CYB5B: variants seen among roughly 807,000 people sequenced by gnomAD.
CYB5B encodes the protein cytochrome b5 type B, also known as cytochrome b5 type B (outer mitochondrial membrane).
Under a neutral mutation model 21.3 loss-of-function variants are expected in CYB5B, and 14 were observed. That is an observed-to-expected ratio of 0.66 (90% CI 0.43 to 1.03). The LOEUF (loss-of-function observed/expected upper bound fraction) is 1.03. Ranked by LOEUF, CYB5B falls within the 50% of genes least tolerant of loss-of-function variation. CYB5B has a pLI of 0.00. For synonymous variants in CYB5B, 69 were observed against 68.4 expected (o/e 1.01, Z -0.04); for missense variants, 166 against 185.1 (o/e 0.90, Z 0.60).
In CYB5B at chr16:69,459,298, T is replaced by C. The variant is rs2015011306; in HGVS notation, c.362+177T>C. ...ACATTAGAAAAATTAACTTTTACAG[T>C]TTCAGCCATTTTGAATAATCTAAAA... On this transcript the variant is annotated intron_variant, in intron 4 of 4. Coordinates refer to ENST00000307892, the MANE Select transcript of CYB5B (RefSeq NM_030579.3). 3 of 773,472 alleles carry C rather than the reference T, an allele frequency of 3.9e-6. No homozygotes were observed. The East Asian group carries it at 8.6e-5, about 22-fold the overall frequency. 47.9% of individuals were successfully genotyped at this position (773,472 alleles called of 1,614,324 possible).
chr16:69,427,635 A>G (rs2014661635), intron 1 of CYB5B, among the ~76,000 whole-genome samples: 1 of 150,888 alleles, frequency 6.6e-6, no homozygotes, highest in Non-Finnish European at 1.5e-5. Flanking sequence ...TTCTATTTCA[A>G]CCTCCCGAAT....
chr16:69,448,345 T>A, intron 3 of CYB5B: 1 of 607,424 alleles, frequency 1.6e-6, no homozygotes, highest in Non-Finnish European at 2.9e-6. Flanking sequence ...GGAAACATTT[T>A]GCTAATGCCT....
chr16:69,460,714 A>G (rs1263226578), intron 4 of CYB5B, among the ~76,000 whole-genome samples: 2 of 152,232 alleles, frequency 1.3e-5, no homozygotes, highest in African/African-American at 2.4e-5. Context: ...CCAGAAATAT[A>G]TGCAAGAATG....
intron 1 of CYB5B, among the ~76,000 whole-genome samples, chr16:69,444,658 C>G (rs2014859889): frequency 6.6e-6 from 1 of 151,338 alleles, no homozygotes; most frequent in Admixed American, 6.6e-5. Flanking sequence ...CCCCCACTTG[C>G]TTCAGTGAAA....
Position 69,464,153 on chromosome 16 carries a change from T to C in CYB5B, c.*1633T>C, listed in dbSNP as rs1366056028. Reference sequence around the variant, plus strand: ...CAAACCAGGGACTGCCCATGTAAACTATTTAAGAAAAAGTTCAACCCAGGT... The same window carrying C: ...CAAACCAGGGACTGCCCATGTAAACCATTTAAGAAAAAGTTCAACCCAGGT... On this transcript the variant is annotated 3_prime_UTR_variant, in exon 5 of 5. Transcript: ENST00000307892. 1 of 152,198 alleles carries C rather than the reference T, an allele frequency of 6.6e-6. No homozygotes were observed. The highest frequency in any genetic ancestry group is 2.1e-4 in the South Asian group (1 of 4,832). 9.4% of individuals were successfully genotyped at this position (152,198 alleles called of 1,614,324 possible). A position where few individuals can be genotyped will look rare whatever the true frequency, so the allele number is the denominator to read the frequency against.
intron 1 of CYB5B, among the ~76,000 whole-genome samples, chr16:69,441,723 C>T (rs1390540259): frequency 1.3e-5 from 2 of 152,112 alleles, no homozygotes; most frequent in African/African-American, 4.8e-5. Flanking sequence ...TTTAGTTCAA[C>T]TGACTGGACA....
At position 69,463,345 on chromosome 16, in the gene CYB5B, T is replaced by G. The variant is rs11075720; in HGVS notation, c.*825T>G. The stretch of plus-strand genomic sequence containing the variant: ...CTTTCGTGTCTTGGGGGTGGAAAGG[T>G]AGGGATGAATTGGGGTGATAGAACC... On this transcript the variant is annotated 3_prime_UTR_variant, in exon 5 of 5. Coordinates refer to ENST00000307892, the MANE Select transcript of CYB5B (RefSeq NM_030579.3). 122,514 of 151,792 alleles carry G rather than the reference T, an allele frequency of 0.81. 49,595 individuals carry two copies. Among genetic ancestry groups the G allele is most frequent in the Middle Eastern group, 0.9 (265 of 294 alleles). 9.4% of individuals were successfully genotyped at this position (151,792 alleles called of 1,614,324 possible).
intron 1 of CYB5B, among the ~76,000 whole-genome samples, chr16:69,427,781 G>T (rs571230128): frequency 5.9e-5 from 9 of 152,074 alleles, no homozygotes; most frequent in African/African-American, 1.7e-4. Flanking sequence ...AGATCATGAG[G>T]TAAGGAGTTC....
chr16:69,438,537 A>AT (rs34840532), intron 1 of CYB5B, among the ~76,000 whole-genome samples: 57 of 148,018 alleles, frequency 3.9e-4, no homozygotes, highest in East Asian at 1.4e-3. Context: ...CCATTTTTCG[A>AT]TTTTTTTTTT....
chr16:69,465,786 T>C lies in CYB5B; in HGVS notation c.*3266T>C, dbSNP rs2015083633. 6.6e-6 allele frequency: 1 copy of C among 152,230 alleles called. No individual in the cohort carries two copies. The highest frequency in any genetic ancestry group is 2.4e-5 in the African/African-American group (1 of 41,458). 9.4% of individuals were successfully genotyped at this position (152,230 alleles called of 1,614,324 possible). ...ACCCCAAGAGAAATGGATTCAGACA[T>C]GTCTTGTCTCAACAAGAAATTGATT... On this transcript the variant is annotated 3_prime_UTR_variant, in exon 5 of 5. Transcript: ENST00000307892.
chr16:69,429,962 A>G (rs2014688612), intron 1 of CYB5B, among the ~76,000 whole-genome samples: 1 of 152,236 alleles, frequency 6.6e-6, no homozygotes, highest in Non-Finnish European at 1.5e-5. Flanking sequence ...TGAATGTGGT[A>G]GTTTAGAATT....
intron 1 of CYB5B, among the ~76,000 whole-genome samples, chr16:69,445,786 G>A (rs762121132): frequency 5.9e-5 from 9 of 152,056 alleles, no homozygotes; most frequent in East Asian, 1.9e-4. Flanking sequence ...GAAAAACCCC[G>A]TCTCTATTAA....
chr16:69,445,794 T>A (rs1002106896), intron 1 of CYB5B, among the ~76,000 whole-genome samples: 3 of 152,184 alleles, frequency 2.0e-5, no homozygotes, highest in African/African-American at 7.2e-5. Context: ...CCGTCTCTAT[T>A]AAAAATACAA....
chr16:69,433,218 G>A (rs889901035), intron 1 of CYB5B, among the ~76,000 whole-genome samples: 1 of 152,132 alleles, frequency 6.6e-6, no homozygotes, highest in Admixed American at 6.6e-5. Flanking sequence ...TGGAAGGATT[G>A]GGAATGTGGT....
At chr16:69,444,369 G>T (rs1436510012) in intron 1 of CYB5B, 1 of 152,498 alleles carries the variant, frequency 6.6e-6, no homozygotes, top group Non-Finnish European at 1.5e-5. Flanking sequence ...GCCTTCGTAT[G>T]CTCCTCAGCC....
chr16:69,428,975 A>C (rs2014676734), intron 1 of CYB5B, among the ~76,000 whole-genome samples: 1 of 152,192 alleles, frequency 6.6e-6, no homozygotes, highest in African/African-American at 2.4e-5. Flanking sequence ...AATCATGTAC[A>C]ACTTCACAGG....
chr16:69,465,386 C>G lies in CYB5B; in HGVS notation c.*2866C>G, dbSNP rs931243149. 6.6e-6 allele frequency: 1 copy of G among 152,186 alleles called. No homozygotes were observed. Among genetic ancestry groups the G allele is most frequent in the African/African-American group, 2.4e-5 (1 of 41,428 alleles). 9.4% of individuals were successfully genotyped at this position (152,186 alleles called of 1,614,324 possible). The stretch of plus-strand genomic sequence containing the variant: ...TGAAATGACACCAAAATTCCTCAGC[C>G]CCTACTCAGCAATTGGTTTTGGTTT... On this transcript the variant is annotated 3_prime_UTR_variant, in exon 5 of 5. Transcript: ENST00000307892.
chr16:69,464,205 A>AT lies in CYB5B; in HGVS notation c.*1686dup, dbSNP rs2015064165. On this transcript the variant is annotated 3_prime_UTR_variant, in exon 5 of 5. Coordinates refer to ENST00000307892, the MANE Select transcript of CYB5B (RefSeq NM_030579.3). ...TTGTATCCTGTGATTTAGCAGTTGA[A>AT]TGAATACAGAATTCATCAAAATAAT... 1 of 152,238 alleles carries AT rather than the reference A, an allele frequency of 6.6e-6. No homozygotes were observed. Among genetic ancestry groups the AT allele is most frequent in the Non-Finnish European group, 1.5e-5 (1 of 68,044 alleles). The allele number at this position is 152,238 out of a possible 1,614,324, so 9.4% of individuals were successfully genotyped here.
chr16:69,437,836 T>C lies in CYB5B; in HGVS notation c.175-9314T>C, dbSNP rs551912700. On this transcript the variant is annotated intron_variant, in intron 1 of 4. Coordinates refer to ENST00000307892, the MANE Select transcript of CYB5B (RefSeq NM_030579.3). ...CTGTCTCTATTGAATTTGCCTGTTCTAGGTACCCCATATAAATGGAATCAA... is the reference window on the plus strand; with the variant it reads ...CTGTCTCTATTGAATTTGCCTGTTCCAGGTACCCCATATAAATGGAATCAA... Among the ~76,000 whole-genome samples, 43 of 152,360 alleles carry C rather than the reference T, an allele frequency of 2.8e-4. 2 individuals carry two copies. The South Asian group carries it at 7.9e-3, about 28-fold the overall frequency.
Sources: gnomAD v4.1 joint callset for allele counts (sites outside exome capture counted in the v4.1 genomes callset) on GRCh38, gnomAD v4.1.1 for gene constraint, MANE v1.5 for transcripts, NCBI Gene and HGNC (gene_info 2026-07-23, HGNC 2026-07-21) for gene names.